The following GRK5 variants were observed in gnomAD, a reference collection of about 807,000 sequenced individuals.
GRK5 encodes the protein g protein-coupled receptor kinase GRK5.
Under a neutral mutation model 78.4 loss-of-function variants are expected in GRK5, and 40 were observed. The ratio of observed to expected loss-of-function variants is 0.51; its 90% CI spans 0.40 to 0.66. GRK5 has a LOEUF of 0.66. Among genes scored for constraint, GRK5 ranks in the 30% least tolerant of loss-of-function variants. The pLI is 0.00. For synonymous variants in GRK5, 289 were observed against 296.8 expected, an observed-to-expected ratio of 0.97 and a Z score of 0.27; for missense variants, 598 against 759.9, an observed-to-expected ratio of 0.79 and a Z score of 2.50.
intron 4 of GRK5, among the ~76,000 whole-genome samples, chr10:119,420,403 C>A: frequency 6.7e-6 from 1 of 150,158 alleles, no homozygotes; most frequent in Non-Finnish European, 1.5e-5. Flanking sequence ...TGAATTTCAA[C>A]CAACCCATTT....
intron 8 of GRK5, among the ~76,000 whole-genome samples, chr10:119,432,778 A>C (rs1564933152): frequency 6.6e-6 from 1 of 152,210 alleles, no homozygotes; most frequent in Non-Finnish European, 1.5e-5. Flanking sequence ...TCCATCTTTA[A>C]ACCACTACAG....
chr10:119,371,603 G>T (rs1851548922), intron 2 of GRK5, among the ~76,000 whole-genome samples: 1 of 152,230 alleles, frequency 6.6e-6, no homozygotes, highest in South Asian at 2.1e-4. Context: ...CTTGAAGGAA[G>T]AGCAAGCAGG....
intron 1 of GRK5, among the ~76,000 whole-genome samples, chr10:119,265,844 C>T (rs541528128): frequency 2.6e-4 from 40 of 152,340 alleles, no homozygotes; most frequent in African/African-American, 9.4e-4. Context: ...CCCTCTCAGC[C>T]GCACTCAATG....
chr10:119,244,387 A>G (rs909303089), intron 1 of GRK5, among the ~76,000 whole-genome samples: 58 of 152,274 alleles, frequency 3.8e-4, no homozygotes, highest in Non-Finnish European at 6.5e-4. Context: ...AATAACAACA[A>G]CAACAGCAAC....
chr10:119,299,836 A>C (rs1469306947), intron 1 of GRK5, among the ~76,000 whole-genome samples: 3 of 151,290 alleles, frequency 2.0e-5, no homozygotes, highest in African/African-American at 7.3e-5. Context: ...AATACACTTT[A>C]AGTTCTAGGG....
chr10:119,277,769 T>C (rs1849692768), intron 1 of GRK5, among the ~76,000 whole-genome samples: 1 of 152,228 alleles, frequency 6.6e-6, no homozygotes, highest in Non-Finnish European at 1.5e-5. Flanking sequence ...TCTTGCTTTC[T>C]GTCGCTCTGG....
chr10:119,276,433 T>C (rs541493634), intron 1 of GRK5, among the ~76,000 whole-genome samples: 1 of 152,368 alleles, frequency 6.6e-6, no homozygotes, highest in South Asian at 2.1e-4. Flanking sequence ...CATGAACTCA[T>C]CATTTTTTAT....
chr10:119,361,414 T>C (rs761653158), intron 2 of GRK5, among the ~76,000 whole-genome samples: 4 of 152,248 alleles, frequency 2.6e-5, no homozygotes, highest in Admixed American at 1.3e-4. Flanking sequence ...CATTCATTCA[T>C]TCATCCATTC....
At chr10:119,242,947 C>T (rs1432129163) in intron 1 of GRK5, among the ~76,000 whole-genome samples, 1 of 151,976 alleles carries the variant, frequency 6.6e-6, no homozygotes, top group Non-Finnish European at 1.5e-5. Context: ...AATGTGAAAA[C>T]AGACTAATAG....
intron 1 of GRK5, among the ~76,000 whole-genome samples, chr10:119,289,405 G>A (rs548674074): frequency 9.5e-4 from 144 of 152,346 alleles, no homozygotes; most frequent in Admixed American, 2.7e-3. Flanking sequence ...AGTGCTTAAT[G>A]TCTTTGCTTT....
At chr10:119,312,427 G>A (rs757774016) in intron 1 of GRK5, among the ~76,000 whole-genome samples, 12 of 152,168 alleles carry the variant, frequency 7.9e-5, no homozygotes, top group Non-Finnish European at 1.5e-4. Flanking sequence ...CCAGAGCAGC[G>A]AGAATGAGAC....
intron 1 of GRK5, among the ~76,000 whole-genome samples, chr10:119,302,125 A>T (rs1589731405): frequency 6.6e-6 from 1 of 152,184 alleles, no homozygotes; most frequent in Non-Finnish European, 1.5e-5. Flanking sequence ...GCTATTCTGG[A>T]CACAGAAATC....
intron 1 of GRK5, among the ~76,000 whole-genome samples, chr10:119,258,722 C>T (rs554851174): frequency 1.4e-4 from 21 of 152,218 alleles, no homozygotes; most frequent in Admixed American, 1.1e-3. Flanking sequence ...GTAGTTTATC[C>T]GGGGGTCAAT....
chr10:119,443,818 T>A (rs1853088638), intron 12 of GRK5, 66 bp downstream of exon 12: 1 of 1,373,352 alleles, frequency 7.3e-7, no homozygotes, highest in Admixed American at 2.0e-5. Flanking sequence ...CTGGCCCCAG[T>A]CTGTCCCCAG....
chr10:119,269,707 C>G (rs1045484669), intron 1 of GRK5, among the ~76,000 whole-genome samples: 1 of 151,788 alleles, frequency 6.6e-6, no homozygotes, highest in Non-Finnish European at 1.5e-5. Flanking sequence ...GTGGTGTGCT[C>G]CTGTAATCCC....
intron 4 of GRK5, among the ~76,000 whole-genome samples, chr10:119,411,778 A>G (rs1375190058): frequency 1.3e-5 from 2 of 151,898 alleles, no homozygotes; most frequent in African/African-American, 4.8e-5. Context: ...CTCCGTCTCA[A>G]TTAACAAACA....
At chr10:119,418,659 C>T (rs200246107) in intron 4 of GRK5, among the ~76,000 whole-genome samples, 9 of 152,204 alleles carry the variant, frequency 5.9e-5, no homozygotes, top group East Asian at 5.8e-4. Context: ...GCATTCATGG[C>T]GGGGACTTCA....
intron 2 of GRK5, among the ~76,000 whole-genome samples, chr10:119,369,471 G>T (rs2133818763): frequency 6.6e-6 from 1 of 152,316 alleles, no homozygotes; most frequent in Admixed American, 6.5e-5. Flanking sequence ...CATTCCCCAG[G>T]CCCCGCACGG....
rs967210481 is a variant in GRK5 at position 119,309,809 on chromosome 10, T to C, written c.53-16707T>C. Among the ~76,000 whole-genome samples the C allele has an allele frequency of 2.0e-5, 3 of 152,330 alleles. No homozygotes were observed. In the South Asian group the frequency reaches 6.2e-4, roughly 32 times the overall value. On this transcript the variant is annotated intron_variant, in intron 1 of 15. Coordinates refer to ENST00000392870, the MANE Select transcript of GRK5 (RefSeq NM_005308.3). ...TTAGGACCCAGCTCTTGCCTGTCCC[T>C]TGAGCCAGCATCATCCTTGTGGACT...
Sources: allele counts gnomAD v4.1 joint callset (sites outside exome capture counted in the v4.1 genomes callset), GRCh38; gene constraint gnomAD v4.1.1; transcripts MANE v1.5; gene names NCBI Gene and HGNC (gene_info 2026-07-23, HGNC 2026-07-21).